TRIM5: variants seen among roughly 807,000 people sequenced by gnomAD.
TRIM5 encodes the protein tripartite motif containing 5, also known as tripartite motif-containing protein 5.
TRIM5 carries 31 observed loss-of-function variants against 35.6 expected under a neutral mutation model. The ratio of observed to expected loss-of-function variants is 0.87; its 90% CI spans 0.65 to 1.18. TRIM5 has a LOEUF of 1.18. Ranked by LOEUF, TRIM5 falls within the 50% of genes most tolerant of loss-of-function variation. The pLI is 0.00. For missense variants in TRIM5, 609 were observed against 591.6 expected (o/e 1.03, Z -0.31); for synonymous variants, 243 against 215.6 (o/e 1.13, Z -1.11).
At chr11:5,614,638 G>A in the TRIM5 span, among the ~76,000 whole-genome samples, 6 of 152,112 alleles carry the variant, frequency 3.9e-5, no homozygotes, top group Non-Finnish European at 5.9e-5. Context: ...CCATTCTATA[G>A]CCTAAAGTTT....
At chr11:5,637,427 T>C in the TRIM5 span, among the ~76,000 whole-genome samples, 1 of 152,194 alleles carries the variant, frequency 6.6e-6, no homozygotes, top group African/African-American at 2.4e-5. Flanking sequence ...AAAAATTAGA[T>C]GAGATTTTAG....
the TRIM5 span, among the ~76,000 whole-genome samples, chr11:5,621,992 A>C: frequency 2.0e-5 from 3 of 152,180 alleles, no homozygotes; most frequent in Non-Finnish European, 4.4e-5. Context: ...TCAGGGACAC[A>C]TGTCTTCAGC....
downstream of TRIM5, among the ~76,000 whole-genome samples, chr11:5,658,834 G>A (rs1191799840): frequency 6.6e-6 from 1 of 152,166 alleles, no homozygotes; most frequent in Non-Finnish European, 1.5e-5. Context: ...AAAAAAGGAT[G>A]AGTTCATGTC....
At position 5,663,581 on chromosome 11, in the gene TRIM5, T is replaced by C. The variant is rs1162041886; in HGVS notation, c.*1228A>G. 1 of 969,486 alleles carries C rather than the reference T, an allele frequency of 1.0e-6. No homozygotes were observed. 60.1% of individuals were successfully genotyped at this position (969,486 alleles called of 1,614,324 possible). On this transcript the variant is annotated 3_prime_UTR_variant, in exon 8 of 8. Transcript: ENST00000380034. The stretch of plus-strand genomic sequence containing the variant: ...ATAGATGCTTTATACTTCAGGAATT[T>C]ATTTTTTCACAATGATCCAAAGTAT...
chr11:5,682,982 C>T (rs12800585), intron 1 of TRIM5, among the ~76,000 whole-genome samples: 80,444 of 151,694 alleles, frequency 0.53, 21,310 homozygotes, highest in African/African-American at 0.53. Context: ...CTGCGCGCCG[C>T]GCTTGTGGGC....
intron 1 of TRIM5, among the ~76,000 whole-genome samples, chr11:5,684,577 C>T (rs1852869085): frequency 6.6e-6 from 1 of 152,104 alleles, no homozygotes; most frequent in South Asian, 2.1e-4. Context: ...ATTCCAAGGC[C>T]CCTGTCTTTG....
At chr11:5,608,958 T>C in the TRIM5 span, among the ~76,000 whole-genome samples, 30,931 of 150,338 alleles carry the variant, frequency 0.21, 3,389 homozygotes, top group Non-Finnish European at 0.25. Context: ...TTTATCAGAG[T>C]GACATTCCCA....
the TRIM5 span, among the ~76,000 whole-genome samples, chr11:5,638,883 T>A: frequency 6.6e-6 from 1 of 152,200 alleles, no homozygotes; most frequent in Admixed American, 6.5e-5. Flanking sequence ...TCAGAGTAAC[T>A]ATCAGACCAA....
the TRIM5 span, among the ~76,000 whole-genome samples, chr11:5,598,390 GT>G: frequency 1.3e-5 from 2 of 151,990 alleles, no homozygotes; most frequent in African/African-American, 4.8e-5. Flanking sequence ...ATTTTTCTCT[GT>G]CTAAAGAGAG....
the TRIM5 span, among the ~76,000 whole-genome samples, chr11:5,652,540 C>T: frequency 1.3e-5 from 2 of 152,138 alleles, no homozygotes; most frequent in South Asian, 2.1e-4. Flanking sequence ...GCTTTTAAAC[C>T]AGTACCATAC....
chr11:5,623,633 A>G, the TRIM5 span, among the ~76,000 whole-genome samples: 2 of 150,312 alleles, frequency 1.3e-5, no homozygotes, highest in Non-Finnish European at 1.5e-5. Context: ...GCCCGCCTCA[A>G]CCTCCCAAAG....
At chr11:5,675,527 A>T (rs1002137340) in intron 4 of TRIM5, among the ~76,000 whole-genome samples, 12 of 151,926 alleles carry the variant, frequency 7.9e-5, no homozygotes, top group Non-Finnish European at 1.2e-4. Context: ...GCATTATGGG[A>T]TCATGATCCC....
the TRIM5 span, among the ~76,000 whole-genome samples, chr11:5,648,905 A>T: frequency 6.4e-4 from 97 of 152,386 alleles, 1 homozygote; most frequent in Middle Eastern, 3.4e-3. Context: ...CAGGATTCAA[A>T]GAATCAAAAA....
chr11:5,643,595 C>G, the TRIM5 span: 1 of 1,614,126 alleles, frequency 6.2e-7, no homozygotes, highest in Non-Finnish European at 8.5e-7. Context: ...ATGTCACAAG[C>G]CATGGCTCCC....
chr11:5,618,329 C>T, the TRIM5 span, among the ~76,000 whole-genome samples: 2 of 152,074 alleles, frequency 1.3e-5, no homozygotes, highest in African/African-American at 4.8e-5. Flanking sequence ...GAGATCACAC[C>T]ACTGCACTCC....
rs768563517 is a variant in TRIM5 at position 5,680,110 on chromosome 11, G to A, written c.68C>T (p.Thr23Ile). Reference protein sequence around the residue: ...VTCPICLELLTQPLSLDCGHS... With the variant: ...VTCPICLELLIQPLSLDCGHS... Reference sequence around the variant, plus strand: ...GCCGCAGTCCAGGCTCAGGGGTTGTGTCAGGAGTTCCAGGCAGATGGGGCA... The same window carrying A: ...GCCGCAGTCCAGGCTCAGGGGTTGTATCAGGAGTTCCAGGCAGATGGGGCA... Residue 23 changes from threonine to isoleucine, a missense_variant, in exon 2 of 8, where the codon ACA becomes ATA. Transcript: ENST00000380034. 1.2e-6 allele frequency: 2 copies of A among 1,614,076 alleles called. No individual in the cohort carries two copies. Among genetic ancestry groups the A allele is most frequent in the Non-Finnish European group, 1.7e-6 (2 of 1,180,004 alleles).
the TRIM5 span, among the ~76,000 whole-genome samples, chr11:5,591,614 C>G: frequency 6.6e-6 from 1 of 151,762 alleles, no homozygotes; most frequent in African/African-American, 2.4e-5. Context: ...TGCCATTGCA[C>G]TCCAGCCTGG....
chr11:5,681,131 C>A (rs1408987591), intron 1 of TRIM5, among the ~76,000 whole-genome samples: 2 of 152,096 alleles, frequency 1.3e-5, no homozygotes, highest in Admixed American at 1.3e-4. Flanking sequence ...CTCAGTGGAC[C>A]ACACATGTTG....
chr11:5,643,045 T>A, the TRIM5 span: 1 of 1,292,764 alleles, frequency 7.7e-7, no homozygotes. Context: ...CATCACCATG[T>A]CACTAGATAA....
Sources: allele counts gnomAD v4.1 joint callset (sites outside exome capture counted in the v4.1 genomes callset), GRCh38; gene constraint gnomAD v4.1.1; transcripts MANE v1.5; gene names NCBI Gene and HGNC (gene_info 2026-07-23, HGNC 2026-07-21).